Variants in ATP1A4 observed in about 807,000 individuals in gnomAD.
ATP1A4 encodes sodium/potassium-transporting ATPase subunit alpha-4.
A neutral mutation model predicts 114.3 loss-of-function variants in ATP1A4; 90 were observed. The ratio of observed to expected loss-of-function variants is 0.79; its 90% CI spans 0.66 to 0.94. The LOEUF (loss-of-function observed/expected upper bound fraction) is 0.94, where lower values mean the gene tolerates loss of function less well. Among genes scored for constraint, ATP1A4 ranks in the 40% least tolerant of loss-of-function variants. ATP1A4 has a pLI of 0.00. For synonymous variants in ATP1A4, 511 were observed against 494.1 expected (o/e 1.03, Z -0.45); for missense variants, 1,222 against 1,313.6 (o/e 0.93, Z 1.08).
chr1:160,178,284 G>A (rs914538800), intron 18 of ATP1A4, among the ~76,000 whole-genome samples: 1 of 152,042 alleles, frequency 6.6e-6, no homozygotes, highest in African/African-American at 2.4e-5. Flanking sequence ...GAACCCGGGG[G>A]GCAAAGTTTG....
intron 1 of ATP1A4, 35 bp from the exon 2 acceptor site, chr1:160,153,130 C>A: frequency 6.3e-7 from 1 of 1,591,570 alleles, no homozygotes; most frequent in Non-Finnish European, 8.6e-7. Context: ...ACCTGGGCCA[C>A]CCCCTGTCCC....
rs754521860 is a variant in ATP1A4 at position 160,164,432 on chromosome 1, G to C, written c.1047+8G>C. The C allele has an allele frequency of 6.2e-7, 1 of 1,613,450 alleles. No individual in the cohort carries two copies. Among genetic ancestry groups the C allele is most frequent in the Non-Finnish European group, 8.5e-7 (1 of 1,179,456 alleles). On this transcript the variant is annotated splice_region_variant and intron_variant, in intron 7 of 21. Coordinates refer to ENST00000368081, the MANE Select transcript of ATP1A4 (RefSeq NM_144699.4). ...CTGTTGGCCACAGTCACTGTGAGTA[G>C]ACAGGGTGGAAAATGGCCTCAGGGC...
chr1:160,181,971 T>G lies in ATP1A4; in HGVS notation c.2909T>G (p.Leu970Trp). Residue 970 changes from leucine (L) to tryptophan (W), a missense_variant, in exon 20 of 22, where the codon TTG becomes TGG. Leu to Trp is a moderately conservative substitution (Grantham distance 61, BLOSUM62 -2). Transcript: ENST00000368081. ...TTTGGGATCCTGGAGGAGACACTCT[T>G]GGCTGCATTTCTGTCCTACACTCCA... ...LIFGILEETL[L>W]AAFLSYTPGM... 1 of 1,614,176 alleles carries G rather than the reference T, an allele frequency of 6.2e-7. No individual in the cohort carries two copies. Among genetic ancestry groups the G allele is most frequent in the Non-Finnish European group, 8.5e-7 (1 of 1,180,036 alleles).
At chr1:160,174,833 T>C in intron 15 of ATP1A4, 86 bp downstream of exon 15, 3 of 1,572,050 alleles carry the variant, frequency 1.9e-6, no homozygotes, top group Non-Finnish European at 2.6e-6. Context: ...CGTTTTCCCA[T>C]CATCCAACCT....
At chr1:160,160,299 C>T (rs1389567371) in intron 6 of ATP1A4, among the ~76,000 whole-genome samples, 2 of 152,114 alleles carry the variant, frequency 1.3e-5, no homozygotes, top group African/African-American at 2.4e-5. Flanking sequence ...TCACTGCAAC[C>T]TCTGCCTCCC....
At position 160,166,714 on chromosome 1, in the gene ATP1A4, G is replaced by A; in HGVS notation, c.1234G>A (p.Glu412Lys). 6.2e-7 allele frequency: 1 copy of A among 1,614,216 alleles called. No homozygotes were observed. The highest frequency in any genetic ancestry group is 8.5e-7 in the Non-Finnish European group (1 of 1,180,046). Residue 412 changes from glutamate to lysine, a missense_variant, in exon 8 of 22, where the codon GAA (glutamate) becomes AAA (lysine). Coordinates refer to ENST00000368081, the MANE Select transcript of ATP1A4 (RefSeq NM_144699.4). Reference protein sequence around the residue: ...DMTVYEADTTEEQTGKTFTKS... With the variant: ...DMTVYEADTTKEQTGKTFTKS... ...GACCGTGTATGAGGCCGACACCACT[G>A]AAGAACAGACTGGTGACTAGTGGTA...
At position 160,159,475 on chromosome 1, in the gene ATP1A4, A is replaced by T. The variant is rs1652794594; in HGVS notation, c.727A>T (p.Asn243Tyr). ...QSRSPDFTHE[N>Y]PLETRNICFF... ...CCGCTCCCCTGACTTCACCCATGAGAACCCTCTGGAGACCCGAAACATCTG... is the reference window on the plus strand; with the variant it reads ...CCGCTCCCCTGACTTCACCCATGAGTACCCTCTGGAGACCCGAAACATCTG... Residue 243 changes from asparagine (N) to tyrosine (Y), a missense_variant, in exon 6 of 22, where the codon AAC (asparagine) becomes TAC (tyrosine). Asn to Tyr is a moderately radical substitution (Grantham distance 143). Transcript: ENST00000368081. 6.2e-7 allele frequency: 1 copy of T among 1,613,320 alleles called. No homozygotes were observed. Among genetic ancestry groups the T allele is most frequent in the African/African-American group, 1.3e-5 (1 of 74,906 alleles).
intron 7 of ATP1A4, 124 bp downstream of exon 7, chr1:160,164,548 A>G (rs1652969881): frequency 9.8e-7 from 1 of 1,021,694 alleles, no homozygotes; most frequent in Non-Finnish European, 1.4e-6. Flanking sequence ...GTAAATAGGT[A>G]TCAGGAATAA....
chr1:160,181,581 A>C (rs1224921094), intron 18 of ATP1A4, 103 bp from the exon 19 acceptor site: 6 of 1,238,024 alleles, frequency 4.8e-6, no homozygotes, highest in Non-Finnish European at 5.6e-6. Flanking sequence ...AAGAATGAGG[A>C]CCTGACTCAG....
In ATP1A4 at chr1:160,174,110, G is replaced by A. The variant is rs774769721; in HGVS notation, c.1992-1G>A. On this transcript the variant is annotated splice_acceptor_variant, in intron 13 of 21. Coordinates refer to ENST00000368081, the MANE Select transcript of ATP1A4 (RefSeq NM_144699.4). LOFTEE classifies it high-confidence loss of function. The stretch of plus-strand genomic sequence containing the variant: ...AGCCTTTTGAAATTATTTTCCCTCA[G>A]TGCTGCCAAAGCCATTGTGGTGCAT... 1 of 1,613,472 alleles carries A rather than the reference G, an allele frequency of 6.2e-7. No homozygotes were observed. The highest frequency in any genetic ancestry group is 8.5e-7 in the Non-Finnish European group (1 of 1,179,728).
At chr1:160,167,904 C>A (rs1653100855) in intron 10 of ATP1A4, among the ~76,000 whole-genome samples, 1 of 152,220 alleles carries the variant, frequency 6.6e-6, no homozygotes, top group Non-Finnish European at 1.5e-5. Flanking sequence ...GGAGTCTCTG[C>A]CTCCATTGGC....
chr1:160,171,825 C>A, intron 12 of ATP1A4, 68 bp downstream of exon 12: 1 of 1,509,090 alleles, frequency 6.6e-7, no homozygotes, highest in Non-Finnish European at 9.0e-7. Context: ...GAAGGCCTTG[C>A]GCAGAGTAGA....
At chr1:160,173,441 C>T (rs1653337159) in intron 12 of ATP1A4, 140 bp from the exon 13 acceptor site, 1 of 1,239,644 alleles carries the variant, frequency 8.1e-7, no homozygotes, top group Non-Finnish European at 1.1e-6. Context: ...GGTTTTTGGT[C>T]TACACCACAA....
At chr1:160,172,612 A>T (rs1653304985) in intron 12 of ATP1A4, among the ~76,000 whole-genome samples, 1 of 152,202 alleles carries the variant, frequency 6.6e-6, no homozygotes, top group Non-Finnish European at 1.5e-5. Flanking sequence ...GACTCATCAT[A>T]TACATCTTTA....
Position 160,173,613 on chromosome 1 carries a change from A to T in ATP1A4, c.1887A>T (p.Thr629=), listed in dbSNP as rs1653343809. ...TGGTAACAGGAGATCATCCCATTAC[A>T]GCTAAGGCCATTGCCAAGGGTGTGG... ...VIMVTGDHPI[T]AKAIAKGVGI... Residue 629 remains threonine (T), a synonymous_variant, in exon 13 of 22, where the codon ACA becomes ACT. Coordinates refer to ENST00000368081, the MANE Select transcript of ATP1A4 (RefSeq NM_144699.4). 1.2e-6 allele frequency: 2 copies of T among 1,614,202 alleles called. No homozygotes were observed. Among genetic ancestry groups the T allele is most frequent in the Non-Finnish European group, 1.7e-6 (2 of 1,180,030 alleles).
intron 18 of ATP1A4, among the ~76,000 whole-genome samples, chr1:160,181,244 G>T (rs1244701222): frequency 6.6e-6 from 1 of 152,116 alleles, no homozygotes; most frequent in Non-Finnish European, 1.5e-5. Flanking sequence ...TCTGTGAAGT[G>T]CTGTGGGGTC....
At chr1:160,162,665 T>G (rs1290232790) in intron 6 of ATP1A4, among the ~76,000 whole-genome samples, 1 of 152,180 alleles carries the variant, frequency 6.6e-6, no homozygotes, top group East Asian at 1.9e-4. Context: ...ACCCCAGTAG[T>G]GACCACCAAA....
intron 18 of ATP1A4, among the ~76,000 whole-genome samples, chr1:160,179,613 G>A (rs141674964): frequency 0.022 from 3,420 of 152,242 alleles, 49 homozygotes; most frequent in Non-Finnish European, 0.036. Flanking sequence ...AGCAAGGATC[G>A]CTCCTTACTT....
intron 20 of ATP1A4, among the ~76,000 whole-genome samples, chr1:160,185,357 T>C (rs1192851839): frequency 6.6e-6 from 1 of 151,988 alleles, no homozygotes; most frequent in East Asian, 2.0e-4. Flanking sequence ...GTGATCCATC[T>C]GCCTCGGCCT....
Sources: gnomAD v4.1 joint callset for allele counts (sites outside exome capture counted in the v4.1 genomes callset) on GRCh38, gnomAD v4.1.1 for gene constraint, MANE v1.5 for transcripts, NCBI Gene and HGNC (gene_info 2026-07-23, HGNC 2026-07-21) for gene names.